Variants in VWA8 observed in about 807,000 individuals in gnomAD.
VWA8 encodes the protein von Willebrand factor A domain-containing protein 8.
A neutral mutation model predicts 241.5 loss-of-function variants in VWA8; 221 were observed. The ratio of observed to expected loss-of-function variants is 0.91; its 90% CI spans 0.82 to 1.02. The LOEUF is 1.02. Ranked by LOEUF, VWA8 falls within the 50% of genes least tolerant of loss-of-function variation. The pLI is 0.00. For synonymous variants in VWA8, 852 were observed against 827.1 expected, an observed-to-expected ratio of 1.03 and a Z score of -0.52; for missense variants, 2,322 against 2,328.7, an observed-to-expected ratio of 1.00 and a Z score of 0.06.
intron 43 of VWA8, among the ~76,000 whole-genome samples, chr13:41,574,755 G>A (rs535390923): frequency 6.6e-6 from 1 of 152,212 alleles, no homozygotes; most frequent in Non-Finnish European, 1.5e-5. Context: ...AGAGAACCCA[G>A]AAATAAAGCC....
At chr13:41,726,039 C>T (rs532556109) in intron 24 of VWA8, among the ~76,000 whole-genome samples, 1 of 152,284 alleles carries the variant, frequency 6.6e-6, no homozygotes, top group South Asian at 2.1e-4. Context: ...ATGTACACAT[C>T]CCTCCTGCCT....
At chr13:41,949,659 A>AT (rs1427036275) in intron 2 of VWA8, among the ~76,000 whole-genome samples, 1 of 152,130 alleles carries the variant, frequency 6.6e-6, no homozygotes, top group Non-Finnish European at 1.5e-5. Context: ...TTATATGTAA[A>AT]TCTTATTCCA....
chr13:41,679,201 T>A (rs1328009131), intron 35 of VWA8, among the ~76,000 whole-genome samples: 1 of 152,152 alleles, frequency 6.6e-6, no homozygotes, highest in Non-Finnish European at 1.5e-5. Flanking sequence ...TAAAGGGAAG[T>A]CATTGCAGCA....
Position 41,570,569 on chromosome 13 carries a change from T to C in VWA8, c.5508A>G (p.Arg1836=). Reference sequence around the variant, plus strand: ...CAAACTTAGCAGGATGTATTCCATATCGTGACAGATTTGCATCACTCAAGA... The same window carrying C: ...CAAACTTAGCAGGATGTATTCCATACCGTGACAGATTTGCATCACTCAAGA... The part of the protein sequence containing the change: ...VIVLSDANLS[R]YGIHPAKFAQ... The change falls in exon 44 of 45, where the codon CGA becomes CGG. Residue 1836 remains arginine, a synonymous_variant. Transcript: ENST00000379310. The C allele has an allele frequency of 1.2e-6, 2 of 1,614,214 alleles. No individual in the cohort carries two copies. The highest frequency in any genetic ancestry group is 1.7e-6 in the Non-Finnish European group (2 of 1,180,036).
chr13:41,906,561 T>C (rs903393207), intron 4 of VWA8, among the ~76,000 whole-genome samples: 4 of 152,174 alleles, frequency 2.6e-5, no homozygotes, highest in African/African-American at 9.6e-5. Context: ...CTAAAGAGTA[T>C]TCTACTTACC....
intron 21 of VWA8, among the ~76,000 whole-genome samples, chr13:41,736,465 A>G (rs1347804557): frequency 6.6e-6 from 1 of 152,184 alleles, no homozygotes; most frequent in Non-Finnish European, 1.5e-5. Flanking sequence ...GCCTCTAGAG[A>G]GCAAGCACAA....
At chr13:41,869,203 A>G (rs1435164061) in intron 9 of VWA8, among the ~76,000 whole-genome samples, 1 of 152,138 alleles carries the variant, frequency 6.6e-6, no homozygotes, top group Non-Finnish European at 1.5e-5. Context: ...AAATTCATGA[A>G]AACAGAACTT....
intron 15 of VWA8, among the ~76,000 whole-genome samples, chr13:41,818,644 G>A (rs1870808903): frequency 6.6e-6 from 1 of 152,106 alleles, no homozygotes; most frequent in Non-Finnish European, 1.5e-5. Context: ...AACTCCAAAA[G>A]TGCTAACCAC....
chr13:41,589,536 G>C (rs1028277035), intron 41 of VWA8, among the ~76,000 whole-genome samples: 1 of 152,094 alleles, frequency 6.6e-6, no homozygotes, highest in Admixed American at 6.6e-5. Flanking sequence ...TATGGTGCTT[G>C]GACATGCTGA....
chr13:41,697,620 T>C (rs1435787262), intron 29 of VWA8, among the ~76,000 whole-genome samples: 2 of 152,210 alleles, frequency 1.3e-5, no homozygotes, highest in Non-Finnish European at 2.9e-5. Context: ...CCTAGATCCC[T>C]TGCATGCGCA....
chr13:41,628,908 G>T lies in VWA8; in HGVS notation c.4612-13824C>A, dbSNP rs151202257. ...ATACAAAAATTAGCTGGGTGTGGTGGTGTGCGCCTGTAGTCCCAGCTACTC... is the reference window on the plus strand; with the variant it reads ...ATACAAAAATTAGCTGGGTGTGGTGTTGTGCGCCTGTAGTCCCAGCTACTC... On this transcript the variant is annotated intron_variant, in intron 37 of 44. Transcript: ENST00000379310. Among the ~76,000 whole-genome samples the T allele has an allele frequency of 3.7e-3, 567 of 152,246 alleles. 9 individuals carry two copies. Among genetic ancestry groups the T allele is most frequent in the African/African-American group, 0.013 (533 of 41,544 alleles).
intron 38 of VWA8, 97 bp downstream of exon 38, chr13:41,614,879 A>G: frequency 8.4e-7 from 1 of 1,192,064 alleles, no homozygotes; most frequent in Non-Finnish European, 1.2e-6. Context: ...CTGAGAAGGA[A>G]AGCCCGTCTC....
At chr13:41,711,865 C>T (rs775078744) in intron 26 of VWA8, among the ~76,000 whole-genome samples, 2 of 151,082 alleles carry the variant, frequency 1.3e-5, no homozygotes, top group African/African-American at 2.4e-5. Context: ...CAGAGCGAGA[C>T]TCTGTCTCAA....
In VWA8 at chr13:41,571,921, G is replaced by A. The variant is rs568442352; in HGVS notation, c.5371-1215C>T. On this transcript the variant is annotated intron_variant, in intron 43 of 44. Transcript: ENST00000379310. ...AAGTGAGGAGTGTCTCTGCCCGGCC[G>A]CCCATCGTCTGAGATGTGAGGAGCC... Among the ~76,000 whole-genome samples the A allele has an allele frequency of 4.1e-3, 620 of 151,834 alleles. 6 individuals carry two copies. Among genetic ancestry groups the A allele is most frequent in the Non-Finnish European group, 3.6e-3 (246 of 67,910 alleles).
intron 35 of VWA8, among the ~76,000 whole-genome samples, chr13:41,678,001 A>G (rs1159891381): frequency 6.6e-6 from 1 of 152,208 alleles, no homozygotes; most frequent in East Asian, 1.9e-4. Flanking sequence ...AATGTGTTTG[A>G]GCATATTTTG....
At chr13:41,780,241 C>G (rs1359424295) in intron 19 of VWA8, among the ~76,000 whole-genome samples, 1 of 152,028 alleles carries the variant, frequency 6.6e-6, no homozygotes, top group Non-Finnish European at 1.5e-5. Flanking sequence ...TCCTTAAATC[C>G]TCTCATCTAT....
At chr13:41,682,564 T>C (rs902126818) in intron 35 of VWA8, among the ~76,000 whole-genome samples, 39 of 152,134 alleles carry the variant, frequency 2.6e-4, no homozygotes, top group African/African-American at 9.2e-4. Context: ...CTGGGCAACA[T>C]GGCAAAACCC....
In VWA8 at chr13:41,931,144, G is replaced by A. The variant is rs558596540; in HGVS notation, c.241+18792C>T. Among the ~76,000 whole-genome samples the A allele has an allele frequency of 2.0e-3, 274 of 139,550 alleles. 3 individuals carry two copies. The highest frequency in any genetic ancestry group is 0.013 in the Admixed American group (179 of 13,504). 91.6% of individuals were successfully genotyped at this position (139,550 alleles called of 152,430 possible). A position where few individuals can be genotyped will look rare whatever the true frequency, so the allele number is the denominator to read the frequency against. ...AGCCTGGGCAACAGAGTGAGACTCC[G>A]TCTCAGGGGAAAAAAAAAAAAAAAA... On this transcript the variant is annotated intron_variant, in intron 2 of 44. Coordinates refer to ENST00000379310, the MANE Select transcript of VWA8 (RefSeq NM_015058.2).
At chr13:41,732,869 C>A (rs2045495725) in intron 21 of VWA8, among the ~76,000 whole-genome samples, 2 of 152,082 alleles carry the variant, frequency 1.3e-5, no homozygotes. Context: ...GATATTCTTG[C>A]CAAAATGTGT....
Sources: gnomAD v4.1 joint callset for allele counts (sites outside exome capture counted in the v4.1 genomes callset) on GRCh38, gnomAD v4.1.1 for gene constraint, MANE v1.5 for transcripts, NCBI Gene and HGNC (gene_info 2026-07-23, HGNC 2026-07-21) for gene names.